ADAMTSL1: variants seen among roughly 807,000 people sequenced by gnomAD.
ADAMTSL1 encodes the protein ADAMTS like 1, also known as ADAMTS-like protein 1.
In ADAMTSL1, 126 loss-of-function variants were observed where a neutral mutation model predicts 201.8. That is an observed-to-expected ratio of 0.62 (90% CI 0.54 to 0.72). ADAMTSL1 has a LOEUF of 0.72. Ranked by LOEUF, ADAMTSL1 falls within the 30% of genes least tolerant of loss-of-function variation. ADAMTSL1 has a pLI of 0.00. For synonymous variants in ADAMTSL1, 1,121 were observed against 903.4 expected, an observed-to-expected ratio of 1.24 and a Z score of -4.32; for missense variants, 2,679 against 2,277.8, an observed-to-expected ratio of 1.18 and a Z score of -3.59.
intron 2 of ADAMTSL1, among the ~76,000 whole-genome samples, chr9:18,312,254 G>C (rs1563878411): frequency 6.6e-6 from 1 of 152,168 alleles, no homozygotes; most frequent in Non-Finnish European, 1.5e-5. Flanking sequence ...GGCAAGATTG[G>C]TGGCAACTTC....
At chr9:18,515,283 C>G (rs1331688319) in intron 2 of ADAMTSL1, among the ~76,000 whole-genome samples, 2 of 152,148 alleles carry the variant, frequency 1.3e-5, no homozygotes, top group African/African-American at 2.4e-5. Flanking sequence ...AGGTTTATCT[C>G]TAGCTCCCTG....
intron 11 of ADAMTSL1, chr9:18,681,544 C>G (rs946503215): frequency 8.9e-6 from 2 of 224,700 alleles, no homozygotes; most frequent in South Asian, 2.2e-4. Flanking sequence ...AGACTTTGCA[C>G]ACAGTGGGTA....
chr9:18,196,327 G>A (rs1316342808), intron 2 of ADAMTSL1, among the ~76,000 whole-genome samples: 9 of 152,020 alleles, frequency 5.9e-5, no homozygotes, highest in Non-Finnish European at 1.3e-4. Flanking sequence ...GTGTGTGTGT[G>A]TTTATTCCTT....
chr9:18,426,940 A>G (rs1819250974), intron 2 of ADAMTSL1, among the ~76,000 whole-genome samples: 1 of 152,204 alleles, frequency 6.6e-6, no homozygotes, highest in East Asian at 1.9e-4. Context: ...AAAAGGTTTT[A>G]TTGGGAGGCT....
At chr9:18,042,008 G>C (rs1409247225) in intron 1 of ADAMTSL1, among the ~76,000 whole-genome samples, 1 of 151,290 alleles carries the variant, frequency 6.6e-6, no homozygotes, top group Non-Finnish European at 1.5e-5. Context: ...TTTCCAGTCA[G>C]TTGGGTGATG....
intron 19 of ADAMTSL1, 59 bp from the exon 20 acceptor site, chr9:18,795,337 GA>G: frequency 6.2e-7 from 1 of 1,602,826 alleles, no homozygotes; most frequent in Non-Finnish European, 8.5e-7. Context: ...TACCAATATT[GA>G]ATGCCAAAAA....
intron 4 of ADAMTSL1, among the ~76,000 whole-genome samples, chr9:18,576,915 A>C (rs1048523704): frequency 1.3e-5 from 2 of 151,786 alleles, no homozygotes; most frequent in Admixed American, 1.3e-4. Flanking sequence ...GGTCGATTTT[A>C]TATCTTGCCC....
chr9:18,049,528 G>A (rs747366986), intron 1 of ADAMTSL1, among the ~76,000 whole-genome samples: 8 of 151,978 alleles, frequency 5.3e-5, no homozygotes, highest in African/African-American at 1.7e-4. Context: ...GATTTTGACC[G>A]ATGATAAAGC....
At chr9:18,833,954 C>T (rs1248429039) in intron 23 of ADAMTSL1, among the ~76,000 whole-genome samples, 1 of 152,082 alleles carries the variant, frequency 6.6e-6, no homozygotes, top group Non-Finnish European at 1.5e-5. Flanking sequence ...GAATCCTTCC[C>T]CCATTTCTTG....
chr9:18,449,954 T>G lies in ADAMTSL1; in HGVS notation c.208-54875T>G, dbSNP rs979090661. Among the ~76,000 whole-genome samples, 3 of 151,990 alleles carry G rather than the reference T, an allele frequency of 2.0e-5. No homozygotes were observed. The South Asian group carries it at 6.2e-4, about 32-fold the overall frequency. On this transcript the variant is annotated intron_variant, in intron 2 of 29. Coordinates refer to the ADAMTSL1 transcript ENST00000680146. ...CAAAATGGGAGAGTGCTTCAGAAAA[T>G]AGGTTGGCAGCTGCTTACATTAAGT...
At chr9:18,602,098 T>C (rs1008066180) in intron 4 of ADAMTSL1, among the ~76,000 whole-genome samples, 3 of 152,210 alleles carry the variant, frequency 2.0e-5, no homozygotes, top group Non-Finnish European at 4.4e-5. Flanking sequence ...TCTTCCTAGT[T>C]AGTGAATGGA....
intron 1 of ADAMTSL1, among the ~76,000 whole-genome samples, chr9:18,093,374 G>A (rs1197492800): frequency 1.3e-5 from 2 of 152,124 alleles, no homozygotes; most frequent in Non-Finnish European, 2.9e-5. Context: ...TTTTTTAAAT[G>A]CAGACAGTTT....
In ADAMTSL1 at chr9:18,681,913, C is replaced by T. The variant is rs777684032; in HGVS notation, c.1443C>T (p.His481=). 1.4e-5 allele frequency: 22 copies of T among 1,614,020 alleles called. No individual in the cohort carries two copies. The Middle Eastern group carries it at 4.9e-4, about 36-fold the overall frequency. Residue 481 remains histidine, a synonymous_variant, in exon 12 of 29, where the codon CAC becomes CAT. Coordinates refer to ENST00000380548, the MANE Select transcript of ADAMTSL1 (RefSeq NM_001040272.6). ...GCTGTAGCCCAAAAACAAAGCCCCA[C>T]ATAAAAGAGGAATGCATCGTACCCA... ...TGGCSPKTKP[H]IKEECIVPTP... is the part of the protein sequence containing the mutation.
chr9:18,647,725 A>G (rs1827912446), intron 7 of ADAMTSL1, among the ~76,000 whole-genome samples: 1 of 151,298 alleles, frequency 6.6e-6, no homozygotes, highest in South Asian at 2.1e-4. Context: ...CCTGAGTTCT[A>G]GTTTGATTGC....
intron 15 of ADAMTSL1, among the ~76,000 whole-genome samples, chr9:18,734,952 G>C (rs1041425314): frequency 3.9e-5 from 6 of 152,140 alleles, no homozygotes; most frequent in Non-Finnish European, 8.8e-5. Context: ...CCAGGAAGCT[G>C]ATAGATTTTT....
chr9:18,653,890 C>G (rs943145453), intron 7 of ADAMTSL1, among the ~76,000 whole-genome samples: 1 of 152,232 alleles, frequency 6.6e-6, no homozygotes, highest in Non-Finnish European at 1.5e-5. Flanking sequence ...GCCCTCTTCA[C>G]TATACTGTCC....
chr9:17,957,502 C>A (rs1290834532), intron 1 of ADAMTSL1, among the ~76,000 whole-genome samples: 1 of 152,158 alleles, frequency 6.6e-6, no homozygotes, highest in East Asian at 1.9e-4. Context: ...TCTACTGCTT[C>A]AGCTGCTGTT....
At chr9:18,342,946 A>T (rs796733746) in intron 2 of ADAMTSL1, among the ~76,000 whole-genome samples, 3 of 152,134 alleles carry the variant, frequency 2.0e-5, no homozygotes, top group Non-Finnish European at 4.4e-5. Flanking sequence ...ATGACAAGAT[A>T]CACTTCAGTT....
intron 1 of ADAMTSL1, 54 bp from the exon 2 acceptor site, chr9:18,504,775 T>G: frequency 6.2e-7 from 1 of 1,613,532 alleles, no homozygotes. Context: ...TTAGAACACA[T>G]GTTTCAGGGT....
Sources: gnomAD v4.1 joint callset for allele counts (sites outside exome capture counted in the v4.1 genomes callset) on GRCh38, gnomAD v4.1.1 for gene constraint, MANE v1.5 for transcripts, NCBI Gene and HGNC (gene_info 2026-07-23, HGNC 2026-07-21) for gene names.